The following SENP7 variants were observed in gnomAD, a reference collection of about 807,000 sequenced individuals.
SENP7 encodes SUMO specific peptidase 7.
SENP7 carries 64 observed loss-of-function variants against 141.2 expected under a neutral mutation model. That is an observed-to-expected ratio of 0.45 (90% CI 0.37 to 0.56). SENP7 has a LOEUF of 0.56. SENP7 is among the 20% of genes least tolerant of loss of function. The probability of loss-of-function intolerance (pLI) is 0.00; values close to 1 mark genes in which losing one functional copy is unlikely to be tolerated. For synonymous variants in SENP7, 382 were observed against 426.4 expected, an observed-to-expected ratio of 0.90 and a Z score of 1.28; for missense variants, 1,025 against 1,212.2, an observed-to-expected ratio of 0.85 and a Z score of 2.29.
intron 18 of SENP7, among the ~76,000 whole-genome samples, chr3:101,332,399 AT>A (rs529860207): frequency 7.6e-4 from 116 of 151,902 alleles, no homozygotes; most frequent in African/African-American, 2.3e-3. Flanking sequence ...TCATAGCATT[AT>A]TTTTTTTGTA....
At chr3:101,339,575 G>A (rs62280664) in intron 16 of SENP7, among the ~76,000 whole-genome samples, 21,236 of 151,948 alleles carry the variant, frequency 0.14, 1,519 homozygotes, top group South Asian at 0.18. Flanking sequence ...AAAATTAGCC[G>A]GGCGTGGTGG....
rs879122585 is a variant in SENP7, at chr3:101,341,726, A to G, written c.2160T>C (p.Ser720=). 5 of 1,611,844 alleles carry G rather than the reference A, an allele frequency of 3.1e-6. No homozygotes were observed. The South Asian group carries it at 5.5e-5, about 18-fold the overall frequency. The change falls in exon 15 of 24, where the codon AGT becomes AGC. Residue 720 remains serine, a synonymous_variant. Transcript: ENST00000394095. ...KPTYTFLQKQ[S]SGCYSLSITS... is the part of the protein sequence containing the mutation. ...TAATAGAAAGGGAGTAGCAACCGCT[A>G]CTTTGCTTCTGCAGGAAGGTGTAAG...
intron 4 of SENP7, among the ~76,000 whole-genome samples, chr3:101,440,940 A>G (rs2062644554): frequency 6.6e-6 from 1 of 152,200 alleles, no homozygotes; most frequent in East Asian, 1.9e-4. Flanking sequence ...AAACATGCAT[A>G]CATTATTTTG....
At position 101,341,633 on chromosome 3, in the gene SENP7, T is replaced by G; in HGVS notation, c.2240+13A>C. The stretch of plus-strand genomic sequence containing the variant: ...ATGCCCATCTACTACAAACATGCTA[T>G]GACAGTACATACTTCTGAACAAGTC... On this transcript the variant is annotated intron_variant, in intron 15 of 23. Coordinates refer to ENST00000394095, the MANE Select transcript of SENP7 (RefSeq NM_020654.5). 3.8e-6 allele frequency: 6 copies of G among 1,561,584 alleles called. No individual in the cohort carries two copies. Among genetic ancestry groups the G allele is most frequent in the Non-Finnish European group, 5.2e-6 (6 of 1,143,706 alleles).
chr3:101,373,480 G>A (rs1263066078), intron 6 of SENP7, among the ~76,000 whole-genome samples: 1 of 152,086 alleles, frequency 6.6e-6, no homozygotes, highest in African/African-American at 2.4e-5. Flanking sequence ...GATCTAAAAA[G>A]ATGCTTAGGT....
chr3:101,398,545 A>G (rs2061039058), intron 6 of SENP7, among the ~76,000 whole-genome samples: 1 of 152,170 alleles, frequency 6.6e-6, no homozygotes, highest in Non-Finnish European at 1.5e-5. Context: ...AAGAGAGGGC[A>G]ATAGACTAAT....
At chr3:101,344,914 G>A (rs1373941777) in intron 13 of SENP7, among the ~76,000 whole-genome samples, 2 of 147,438 alleles carry the variant, frequency 1.4e-5, no homozygotes, top group Admixed American at 6.9e-5. Context: ...GGCCAAGGCA[G>A]GAGGATAGCT....
intron 4 of SENP7, among the ~76,000 whole-genome samples, chr3:101,447,950 C>T (rs2062958955): frequency 6.6e-6 from 1 of 152,180 alleles, no homozygotes; most frequent in African/African-American, 2.4e-5. Context: ...CAATTGATAT[C>T]TCACAAAGAT....
At chr3:101,497,002 T>C (rs2065184092) in intron 2 of SENP7, among the ~76,000 whole-genome samples, 1 of 152,230 alleles carries the variant, frequency 6.6e-6, no homozygotes, top group Non-Finnish European at 1.5e-5. Flanking sequence ...TATAAACTAC[T>C]AACAATAATG....
chr3:101,328,604 A>C, intron 21 of SENP7, 42 bp downstream of exon 21: 1 of 1,599,550 alleles, frequency 6.3e-7, no homozygotes, highest in Non-Finnish European at 8.6e-7. Flanking sequence ...AGTATATCTA[A>C]ATACCTCAAA....
intron 5 of SENP7, among the ~76,000 whole-genome samples, chr3:101,405,313 T>C (rs2061268224): frequency 6.6e-6 from 1 of 152,058 alleles, no homozygotes; most frequent in Admixed American, 6.5e-5. Context: ...GCTGGGTGGC[T>C]AGATCCAAAA....
intron 13 of SENP7, among the ~76,000 whole-genome samples, chr3:101,344,393 T>TA (rs776544232): frequency 1.3e-5 from 2 of 152,226 alleles, no homozygotes; most frequent in Non-Finnish European, 2.9e-5. Flanking sequence ...AGAATGCTTA[T>TA]AAATGGCTGT....
intron 2 of SENP7, among the ~76,000 whole-genome samples, chr3:101,494,277 A>C (rs2065078859): frequency 1.3e-5 from 2 of 152,162 alleles, no homozygotes; most frequent in Admixed American, 1.3e-4. Context: ...ATAAAACCTA[A>C]TTATGGCTGC....
At chr3:101,355,062 A>T (rs2059703152) in intron 11 of SENP7, among the ~76,000 whole-genome samples, 1 of 151,948 alleles carries the variant, frequency 6.6e-6, no homozygotes, top group Admixed American at 6.6e-5. Context: ...CCACTTTTTC[A>T]TAGGGTTGTT....
At chr3:101,462,456 A>T (rs778171092) in intron 3 of SENP7, among the ~76,000 whole-genome samples, 2 of 151,266 alleles carry the variant, frequency 1.3e-5, no homozygotes, top group Non-Finnish European at 2.9e-5. Context: ...CAGAAGAATC[A>T]CTTGAACCCA....
intron 11 of SENP7, among the ~76,000 whole-genome samples, chr3:101,355,179 G>A (rs1194823213): frequency 6.6e-6 from 1 of 152,024 alleles, no homozygotes; most frequent in African/African-American, 2.4e-5. Context: ...TGTTTACTCT[G>A]CTGATAGTTT....
At chr3:101,508,553 C>T (rs772914593) in intron 1 of SENP7, among the ~76,000 whole-genome samples, 2 of 152,012 alleles carry the variant, frequency 1.3e-5, no homozygotes, top group Admixed American at 1.3e-4. Flanking sequence ...GAGCCGAGAT[C>T]GTGCCACTGC....
intron 3 of SENP7, among the ~76,000 whole-genome samples, chr3:101,463,885 C>T (rs1229793516): frequency 2.0e-5 from 3 of 152,204 alleles, no homozygotes; most frequent in South Asian, 2.1e-4. Context: ...AGTGCAGTGG[C>T]GCGATCTCGG....
rs71625265 is a variant in SENP7, at chr3:101,463,364, AATATAT to A, written c.187-4318_187-4313del. 5.3e-3 allele frequency among the ~76,000 whole-genome samples: 474 copies of A among 89,188 alleles called. 4 individuals carry two copies. The highest frequency in any genetic ancestry group is 0.015 in the African/African-American group (374 of 24,638). The allele number at this position is 89,188 out of a possible 152,430, so 58.5% of individuals were successfully genotyped here. On this transcript the variant is annotated intron_variant, in intron 3 of 23. Transcript: ENST00000394095. Reference sequence around the variant, plus strand: ...ACCATGTATCATAAATAAATAAATAAATATATATATATATATATATATATATATATA... The same window carrying A: ...ACCATGTATCATAAATAAATAAATAAATATATATATATATATATATATATA...
Sources: gnomAD v4.1 joint callset for allele counts (sites outside exome capture counted in the v4.1 genomes callset) on GRCh38, gnomAD v4.1.1 for gene constraint, MANE v1.5 for transcripts, NCBI Gene and HGNC (gene_info 2026-07-23, HGNC 2026-07-21) for gene names.